Variants in AMZ1 observed in about 807,000 individuals in gnomAD.
The protein encoded by AMZ1 is archaelysin family metallopeptidase 1, also known as archaemetzincin-1.
AMZ1 carries 39 observed loss-of-function variants against 29.9 expected under a neutral mutation model. The observed-to-expected ratio is 1.30, with a 90% CI of 1.01 to 1.70. AMZ1 has a LOEUF of 1.70. Among genes scored for constraint, AMZ1 ranks in the 40% most tolerant of loss-of-function variants. The pLI, the probability that AMZ1 is intolerant of heterozygous loss-of-function variation, is 0.00. For missense variants in AMZ1, 1,041 were observed against 680.6 expected (o/e 1.53, Z -5.89); for synonymous variants, 458 against 304.0 (o/e 1.51, Z -5.27).
rs373866975 is a variant in AMZ1, at chr7:2,702,830, C to T, written c.413C>T (p.Ala138Val). Residue 138 changes from alanine (A) to valine (V), a missense_variant, in exon 3 of 7, where the codon GCG becomes GTG. By Grantham distance (64) the Ala-to-Val change is moderately conservative (BLOSUM62 0). Coordinates refer to ENST00000683327, the MANE Select transcript of AMZ1 (RefSeq NM_001384743.1). The stretch of plus-strand genomic sequence containing the variant: ...AAGTGCCTGCCGTCGGTGGCAGCCG[C>T]GTCCATCCGCTGCTCCTCGCGGCCC... ...RVKCLPSVAAASIRCSSRPSR... is the reference protein window; with the variant it reads ...RVKCLPSVAAVSIRCSSRPSR... The T allele has an allele frequency of 1.3e-5, 21 of 1,570,838 alleles. No individual in the cohort carries two copies. The highest frequency in any genetic ancestry group is 7.1e-5 in the Admixed American group (4 of 55,954).
chr7:2,751,459 T>G (rs1423287112), intron 4 of AMZ1, among the ~76,000 whole-genome samples: 1 of 148,384 alleles, frequency 6.7e-6, no homozygotes, highest in Non-Finnish European at 1.5e-5. Flanking sequence ...TGACCAAAGG[T>G]ACCACCTCAA....
intron 1 of AMZ1, among the ~76,000 whole-genome samples, chr7:2,689,664 C>T (rs1787270625): frequency 6.6e-6 from 1 of 152,218 alleles, no homozygotes; most frequent in Non-Finnish European, 1.5e-5. Context: ...ACCTGAAACA[C>T]CGCAGTGGCA....
In AMZ1 at chr7:2,682,806, T is replaced by C. The variant is rs1786932560; in HGVS notation, c.-219+3135T>C. Among the ~76,000 whole-genome samples, 10 of 150,966 alleles carry C rather than the reference T, an allele frequency of 6.6e-5. No homozygotes were observed. In the South Asian group the frequency reaches 1.9e-3, roughly 29 times the overall value. On this transcript the variant is annotated intron_variant, in intron 1 of 6. Coordinates refer to the AMZ1 transcript ENST00000312371. ...CCAGCTTTTCTGACCCTGCCCCACT[T>C]CCTGCACCCATCTTTGCCCAGATCC...
rs191981985 is a variant in AMZ1, at chr7:2,703,335, C to G, written c.472+446C>G. Among the ~76,000 whole-genome samples, 14 of 152,166 alleles carry G rather than the reference C, an allele frequency of 9.2e-5. No individual in the cohort carries two copies. In the East Asian group the frequency reaches 2.5e-3, roughly 27 times the overall value. On this transcript the variant is annotated intron_variant, in intron 3 of 6. Coordinates refer to ENST00000683327, the MANE Select transcript of AMZ1 (RefSeq NM_001384743.1). ...TTTGTATTTTTAGTTGAGACAGGGT[C>G]TCACTGTGTTGGCCAGGCTGGTCTT...
upstream of AMZ1, chr7:2,762,602 A>G: frequency 1.3e-5 from 20 of 1,523,846 alleles, no homozygotes; most frequent in Non-Finnish European, 1.8e-5. Flanking sequence ...CCAAAAAAGG[A>G]CAATCCCCTT....
Position 2,717,346 on chromosome 7 carries a change from G to A in AMZ1, c.*4468G>A, listed in dbSNP as rs970083620. Among the ~76,000 whole-genome samples the A allele has an allele frequency of 2.6e-5, 4 of 152,242 alleles. No individual in the cohort carries two copies. Among genetic ancestry groups the A allele is most frequent in the Non-Finnish European group, 5.9e-5 (4 of 68,042 alleles). The stretch of plus-strand genomic sequence containing the variant: ...ACTGGGTCTGCCTGCCTGTGTGCTG[G>A]AAGCAAACGACGGCCCGTCCTCTAA... On this transcript the variant is annotated 3_prime_UTR_variant, in exon 7 of 7. Coordinates refer to ENST00000683327, the MANE Select transcript of AMZ1 (RefSeq NM_001384743.1).
upstream of AMZ1, chr7:2,762,258 C>T (rs1791594567): frequency 4.7e-6 from 1 of 214,136 alleles, no homozygotes; most frequent in Non-Finnish European, 9.2e-6. Context: ...ACCACCCTGA[C>T]TTAGGGTCGT....
At chr7:2,754,930 C>A (rs939201336) in intron 4 of AMZ1, among the ~76,000 whole-genome samples, 7 of 152,236 alleles carry the variant, frequency 4.6e-5, no homozygotes, top group African/African-American at 7.2e-5. Context: ...GCGCTTTACA[C>A]TGAAATCTGT....
At chr7:2,705,912 A>C (rs1174844007) in intron 3 of AMZ1, among the ~76,000 whole-genome samples, 1 of 152,220 alleles carries the variant, frequency 6.6e-6, no homozygotes, top group Non-Finnish European at 1.5e-5. Flanking sequence ...CCCACGCCGT[A>C]CACGGTGCGT....
intron 4 of AMZ1, among the ~76,000 whole-genome samples, chr7:2,737,218 C>G (rs915726103): frequency 6.7e-6 from 1 of 149,704 alleles, no homozygotes; most frequent in Non-Finnish European, 1.5e-5. Flanking sequence ...GGCCAGAGGG[C>G]CTTTTAATTT....
downstream of AMZ1, among the ~76,000 whole-genome samples, chr7:2,721,046 C>T (rs993763486): frequency 2.0e-5 from 3 of 152,236 alleles, no homozygotes; most frequent in Non-Finnish European, 2.9e-5. Flanking sequence ...TCATCGCTGG[C>T]TGCCTGCCTT....
Position 2,712,487 on chromosome 7 carries a change from C to T in AMZ1, c.1106C>T (p.Thr369Ile). Residue 369 changes from threonine (T) to isoleucine (I), a missense_variant, in exon 7 of 7, where the codon ACC becomes ATC. Coordinates refer to ENST00000683327, the MANE Select transcript of AMZ1 (RefSeq NM_001384743.1). ...EPGTSVSEPL[T>I]PDAGSHTFAS... ...GGCACCAGTGTGTCGGAGCCCCTCA[C>T]CCCTGATGCCGGGAGTCACACCTTC... The T allele has an allele frequency of 1.2e-6, 2 of 1,610,110 alleles. No individual in the cohort carries two copies. Among genetic ancestry groups the T allele is most frequent in the Non-Finnish European group, 8.5e-7 (1 of 1,178,922 alleles).
upstream of AMZ1, chr7:2,763,144 C>T: frequency 1.7e-6 from 2 of 1,196,352 alleles, no homozygotes; most frequent in South Asian, 4.0e-5. Flanking sequence ...AAGCATTTCT[C>T]GAATATTCTG....
rs576976411 is a variant in AMZ1, at chr7:2,755,105, C to T, written n.551-9607C>T. ...GGGCGTGCTGGCGGGGAGCGATCCA[C>T]GGGTCTGTCCAGTGACCTCGTGTCT... On this transcript the variant is annotated intron_variant and non_coding_transcript_variant, in intron 4 of 4. Transcript: ENST00000489665. 9.2e-5 allele frequency among the ~76,000 whole-genome samples: 14 copies of T among 152,300 alleles called. No homozygotes were observed. The South Asian group carries it at 2.3e-3, about 25-fold the overall frequency.
intron 2 of AMZ1, among the ~76,000 whole-genome samples, chr7:2,701,530 C>T (rs1030217667): frequency 1.3e-5 from 2 of 152,182 alleles, no homozygotes; most frequent in African/African-American, 4.8e-5. Context: ...GGGGCCGAGA[C>T]AACAGGCATC....
rs150948107 is a variant in AMZ1 at position 2,712,475 on chromosome 7, C to G, written c.1094C>G (p.Ser365Trp). ...GACTCGGAGCCCGGCACCAGTGTGTCGGAGCCCCTCACCCCTGATGCCGGG... is the reference window on the plus strand; with the variant it reads ...GACTCGGAGCCCGGCACCAGTGTGTGGGAGCCCCTCACCCCTGATGCCGGG... ...ESDSEPGTSV[S>W]EPLTPDAGSH... is the part of the protein sequence containing the mutation. The change falls in exon 7 of 7, where the codon TCG (serine) becomes TGG (tryptophan). Residue 365 changes from serine (S) to tryptophan (W), a missense_variant. Physicochemically the swap from Ser to Trp is radical, Grantham distance 177. Transcript: ENST00000683327. 3.7e-6 allele frequency: 6 copies of G among 1,610,634 alleles called. No individual in the cohort carries two copies. Among genetic ancestry groups the G allele is most frequent in the Middle Eastern group, 3.3e-4 (2 of 6,054 alleles).
intron 1 of AMZ1, 146 bp from the exon 2 acceptor site, chr7:2,700,088 T>A (rs2115099508): frequency 7.5e-6 from 2 of 268,314 alleles, no homozygotes; most frequent in East Asian, 1.5e-4. Flanking sequence ...CAGTGCTGTG[T>A]CCTGGAGGGG....
At chr7:2,759,832 T>C (rs1218446558), upstream of AMZ1, among the ~76,000 whole-genome samples, 1 of 152,116 alleles carries the variant, frequency 6.6e-6, no homozygotes, top group Non-Finnish European at 1.5e-5. Context: ...CTGCAACGGG[T>C]GCAGATGCCG....
chr7:2,721,332 G>C (rs1367149475), downstream of AMZ1, among the ~76,000 whole-genome samples: 1 of 152,226 alleles, frequency 6.6e-6, no homozygotes, highest in Non-Finnish European at 1.5e-5. Context: ...TCTGCTTCGG[G>C]AAAGGTGCTT....
Sources: allele counts gnomAD v4.1 joint callset (sites outside exome capture counted in the v4.1 genomes callset), GRCh38; gene constraint gnomAD v4.1.1; transcripts MANE v1.5; gene names NCBI Gene and HGNC (gene_info 2026-07-23, HGNC 2026-07-21).